Variants in FRMD6 observed in about 807,000 individuals in gnomAD.
FRMD6 encodes the protein FERM domain containing 6, also known as FERM domain-containing protein 6.
A neutral mutation model predicts 73.2 loss-of-function variants in FRMD6; 37 were observed. That is an observed-to-expected ratio of 0.51 (90% confidence interval 0.39 to 0.66). The LOEUF is 0.66. Ranked by LOEUF, FRMD6 falls within the 30% of genes least tolerant of loss-of-function variation. The probability of loss-of-function intolerance (pLI) is 0.00; values close to 1 mark genes in which losing one functional copy is unlikely to be tolerated. For missense variants in FRMD6, 714 were observed against 780.5 expected, an observed-to-expected ratio of 0.91 and a Z score of 1.02; for synonymous variants, 273 against 282.2, an observed-to-expected ratio of 0.97 and a Z score of 0.33.
Position 51,701,139 on chromosome 14 carries a change from C to A in FRMD6, c.274C>A (p.Arg92=). ...KEWKKEASKV[R]QYEVTWGIDQ... ...ATGGAAGAAAGAGGCCAGCAAGGTA[C>A]GACAATACGAAGTCACTTGGGTGAG... is the stretch of plus-strand genomic sequence containing the variant. The change falls in exon 4 of 14, where the codon CGA becomes AGA. Residue 92 remains arginine, a synonymous_variant. Coordinates refer to ENST00000344768, the MANE Select transcript of FRMD6 (RefSeq NM_001267046.2). The A allele has an allele frequency of 1.3e-6, 2 of 1,563,878 alleles. No homozygotes were observed. The highest frequency in any genetic ancestry group is 1.7e-6 in the Non-Finnish European group (2 of 1,151,846).
the FRMD6 span, among the ~76,000 whole-genome samples, chr14:51,438,194 C>T: frequency 3.8e-3 from 585 of 151,980 alleles, 2 homozygotes; most frequent in East Asian, 8.9e-3. Context: ...TGACAGACAT[C>T]CTTACAGTTT....
At chr14:51,610,472 T>G (rs868614977) in intron 2 of FRMD6, among the ~76,000 whole-genome samples, 8 of 152,204 alleles carry the variant, frequency 5.3e-5, no homozygotes, top group African/African-American at 1.9e-4. Context: ...GTTTAAAATA[T>G]ATTTTAAATA....
intron 1 of FRMD6, among the ~76,000 whole-genome samples, chr14:51,556,910 TGC>T (rs1467475548): frequency 6.6e-6 from 1 of 152,182 alleles, no homozygotes; most frequent in African/African-American, 2.4e-5. Context: ...CCAAGATGCC[TGC>T]TTTTCCAGAC....
intron 2 of FRMD6, among the ~76,000 whole-genome samples, chr14:51,632,333 G>C (rs1891368329): frequency 6.6e-6 from 1 of 152,116 alleles, no homozygotes; most frequent in Non-Finnish European, 1.5e-5. Flanking sequence ...ATTAATTAAG[G>C]TGATCTGCTG....
At chr14:51,536,325 C>G (rs900240711) in intron 1 of FRMD6, among the ~76,000 whole-genome samples, 12 of 151,988 alleles carry the variant, frequency 7.9e-5, no homozygotes, top group Non-Finnish European at 1.2e-4. Context: ...CTCCTGGCCC[C>G]AAGTGATCAT....
At chr14:51,487,081 G>C (rs1420663830), upstream of FRMD6, among the ~76,000 whole-genome samples, 5 of 152,104 alleles carry the variant, frequency 3.3e-5, no homozygotes, top group Non-Finnish European at 7.4e-5. Flanking sequence ...ATGGGTTTGG[G>C]AATCATGAAC....
intron 1 of FRMD6, among the ~76,000 whole-genome samples, chr14:51,666,821 A>C (rs1460605552): frequency 6.6e-6 from 1 of 152,192 alleles, no homozygotes; most frequent in Non-Finnish European, 1.5e-5. Context: ...ACAAAGGACA[A>C]ATGGGGAATT....
At chr14:51,664,752 C>T (rs192566121) in intron 1 of FRMD6, among the ~76,000 whole-genome samples, 1 of 152,242 alleles carries the variant, frequency 6.6e-6, no homozygotes, top group East Asian at 1.9e-4. Context: ...TGTCAGCATT[C>T]TCTTAGGTAC....
the FRMD6 span, among the ~76,000 whole-genome samples, chr14:51,476,716 AC>A: frequency 6.6e-6 from 1 of 152,200 alleles, no homozygotes; most frequent in African/African-American, 2.4e-5. Context: ...CAGGAAAGAG[AC>A]TTTTTCAGTA....
intron 1 of FRMD6, among the ~76,000 whole-genome samples, chr14:51,682,512 G>T (rs1305139887): frequency 2.0e-5 from 3 of 152,130 alleles, no homozygotes; most frequent in Non-Finnish European, 2.9e-5. Flanking sequence ...GCAAGTGGCA[G>T]AATTAACATA....
At chr14:51,556,410 AATT>A in intron 1 of FRMD6, among the ~76,000 whole-genome samples, 1 of 152,222 alleles carries the variant, frequency 6.6e-6, no homozygotes, top group African/African-American at 2.4e-5. Context: ...TACTTTGTAG[AATT>A]TCACATTGTG....
At chr14:51,412,044 G>A in the FRMD6 span, among the ~76,000 whole-genome samples, 1 of 151,976 alleles carries the variant, frequency 6.6e-6, no homozygotes, top group Non-Finnish European at 1.5e-5. Context: ...CTTCACTATT[G>A]TACTGTCTCT....
At chr14:51,601,890 T>C (rs866343433) in intron 2 of FRMD6, among the ~76,000 whole-genome samples, 1 of 152,252 alleles carries the variant, frequency 6.6e-6, no homozygotes, top group Admixed American at 6.5e-5. Flanking sequence ...TTTGAATTTT[T>C]ATTTTTTCTT....
At chr14:51,425,300 A>G in the FRMD6 span, among the ~76,000 whole-genome samples, 7 of 152,232 alleles carry the variant, frequency 4.6e-5, no homozygotes, top group South Asian at 2.1e-4. Context: ...TCGGTTCACA[A>G]GCTGGACCTG....
At chr14:51,472,277 C>T in the FRMD6 span, among the ~76,000 whole-genome samples, 1 of 151,882 alleles carries the variant, frequency 6.6e-6, no homozygotes, top group African/African-American at 2.4e-5. Context: ...TTCTCTGGCT[C>T]AATTGCTGAA....
At chr14:51,654,541 C>T (rs890474904) in intron 1 of FRMD6, among the ~76,000 whole-genome samples, 5 of 148,734 alleles carry the variant, frequency 3.4e-5, no homozygotes, top group African/African-American at 7.4e-5. Context: ...TTGTAGTTTT[C>T]GATTTGGATG....
At chr14:51,570,855 C>T (rs1426374509) in intron 2 of FRMD6, among the ~76,000 whole-genome samples, 2 of 152,208 alleles carry the variant, frequency 1.3e-5, no homozygotes, top group African/African-American at 2.4e-5. Context: ...ATTTAACAAG[C>T]TTGCTTCATA....
intron 1 of FRMD6, among the ~76,000 whole-genome samples, chr14:51,501,505 A>G (rs1454085627): frequency 6.6e-6 from 1 of 152,096 alleles, no homozygotes; most frequent in Non-Finnish European, 1.5e-5. Flanking sequence ...TGCTGAGGAT[A>G]ATGGCTTTCA....
At chr14:51,419,854 T>C in the FRMD6 span, among the ~76,000 whole-genome samples, 1 of 152,180 alleles carries the variant, frequency 6.6e-6, no homozygotes, top group East Asian at 1.9e-4. Flanking sequence ...TCATTTGGTA[T>C]AGTCACGTGA....
Sources: allele counts gnomAD v4.1 joint callset (sites outside exome capture counted in the v4.1 genomes callset), GRCh38; gene constraint gnomAD v4.1.1; transcripts MANE v1.5; gene names NCBI Gene and HGNC (gene_info 2026-07-23, HGNC 2026-07-21).